Variants in FBXO4 observed in about 807,000 individuals in gnomAD.
The protein encoded by FBXO4 is F-box only protein 4.
A neutral mutation model predicts 43.7 loss-of-function variants in FBXO4; 36 were observed. That is an observed-to-expected ratio of 0.82 (90% CI 0.63 to 1.09). The LOEUF (loss-of-function observed/expected upper bound fraction) is 1.09. FBXO4 is among the 50% of genes least tolerant of loss of function. FBXO4 has a pLI of 0.00. For synonymous variants in FBXO4, 180 were observed against 165.6 expected (o/e 1.09, Z -0.67); for missense variants, 435 against 474.1 (o/e 0.92, Z 0.77).
chr5:41,998,992 T>C, the FBXO4 span, among the ~76,000 whole-genome samples: 1 of 151,234 alleles, frequency 6.6e-6, no homozygotes, highest in African/African-American at 2.4e-5. Context: ...GCCAACCAGC[T>C]TCATTACGTT....
rs1220517754 is a variant in FBXO4 at position 41,925,421 on chromosome 5, G to T, written c.112G>T (p.Val38Leu). 1.4e-6 allele frequency: 2 copies of T among 1,383,332 alleles called. No homozygotes were observed. The highest frequency in any genetic ancestry group is 6.1e-5 in the East Asian group (2 of 32,560). 85.7% of individuals were successfully genotyped at this position (1,383,332 alleles called of 1,614,324 possible). ...LSGWKTFWQS[V>L]SKERVARTTS... is the part of the protein sequence containing the mutation. Reference sequence around the variant, plus strand: ...CGGCTGGAAGACCTTCTGGCAGTCAGTGAGCAAGGAGAGGGTGGCGCGTAC... The same window carrying T: ...CGGCTGGAAGACCTTCTGGCAGTCATTGAGCAAGGAGAGGGTGGCGCGTAC... The change falls in exon 1 of 7, where the codon GTG (valine) becomes TTG (leucine). Residue 38 changes from valine to leucine, a missense_variant. Val to Leu is a conservative substitution (Grantham distance 32, BLOSUM62 1). Coordinates refer to ENST00000281623, the MANE Select transcript of FBXO4 (RefSeq NM_012176.3).
the FBXO4 span, among the ~76,000 whole-genome samples, chr5:41,988,879 C>CA: frequency 7.2e-5 from 11 of 152,054 alleles, no homozygotes; most frequent in Admixed American, 7.2e-4. Flanking sequence ...TCCAAAAGAA[C>CA]AAAAAAGATA....
At chr5:42,009,893 A>C in the FBXO4 span, among the ~76,000 whole-genome samples, 1 of 152,172 alleles carries the variant, frequency 6.6e-6, no homozygotes, top group Non-Finnish European at 1.5e-5. Context: ...AATCTTCCCA[A>C]ACTAAAACTC....
At chr5:41,946,808 A>G in the FBXO4 span, among the ~76,000 whole-genome samples, 1 of 152,214 alleles carries the variant, frequency 6.6e-6, no homozygotes, top group Non-Finnish European at 1.5e-5. Flanking sequence ...AAGGTTCAAT[A>G]GAAGACCCCA....
the FBXO4 span, among the ~76,000 whole-genome samples, chr5:41,949,445 G>A: frequency 1.3e-5 from 2 of 152,122 alleles, no homozygotes; most frequent in Non-Finnish European, 2.9e-5. Context: ...GCCAAATCAT[G>A]AGTGAACTCC....
At chr5:41,956,773 C>A in the FBXO4 span, among the ~76,000 whole-genome samples, 20 of 145,812 alleles carry the variant, frequency 1.4e-4, no homozygotes, top group African/African-American at 3.8e-4. Context: ...AGTGCAGTGG[C>A]GAGATCTCAG....
At chr5:42,004,735 T>TA in the FBXO4 span, among the ~76,000 whole-genome samples, 49 of 151,838 alleles carry the variant, frequency 3.2e-4, no homozygotes, top group African/African-American at 1.1e-3. Context: ...GCTACAAGGA[T>TA]AAAAAAAACA....
chr5:41,958,894 T>C, the FBXO4 span, among the ~76,000 whole-genome samples: 21 of 152,248 alleles, frequency 1.4e-4, no homozygotes, highest in Non-Finnish European at 2.8e-4. Context: ...ACTGATTTCA[T>C]ATCCTTTGGA....
the FBXO4 span, among the ~76,000 whole-genome samples, chr5:41,996,582 C>A: frequency 6.6e-6 from 1 of 152,152 alleles, no homozygotes; most frequent in Non-Finnish European, 1.5e-5. Flanking sequence ...TATTGCAGAG[C>A]CTTCTCCTGT....
At chr5:42,039,063 G>T in the FBXO4 span, among the ~76,000 whole-genome samples, 1 of 152,078 alleles carries the variant, frequency 6.6e-6, no homozygotes, top group African/African-American at 2.4e-5. Context: ...TTATTCAAGA[G>T]AGAGTTTCAT....
chr5:41,938,671 G>A (rs1290727500), intron 5 of FBXO4, among the ~76,000 whole-genome samples: 1 of 152,150 alleles, frequency 6.6e-6, no homozygotes, highest in Non-Finnish European at 1.5e-5. Context: ...TGAAATTTGT[G>A]TATCATATGG....
At chr5:41,986,799 G>A in the FBXO4 span, among the ~76,000 whole-genome samples, 2 of 152,180 alleles carry the variant, frequency 1.3e-5, no homozygotes, top group East Asian at 1.9e-4. Context: ...GTGAATCCTC[G>A]AAAAACTTCT....
the FBXO4 span, among the ~76,000 whole-genome samples, chr5:41,963,635 C>A: frequency 7.2e-5 from 11 of 152,062 alleles, no homozygotes; most frequent in Admixed American, 3.3e-4. Flanking sequence ...AAGAAAATCA[C>A]AAGAAAGGGA....
At chr5:42,018,720 A>G in the FBXO4 span, among the ~76,000 whole-genome samples, 3 of 152,158 alleles carry the variant, frequency 2.0e-5, no homozygotes. Context: ...TTCCCCCAAA[A>G]GCATTGAGTT....
the FBXO4 span, among the ~76,000 whole-genome samples, chr5:42,014,678 C>T: frequency 6.6e-6 from 1 of 152,078 alleles, no homozygotes; most frequent in Non-Finnish European, 1.5e-5. Context: ...TTAGAGAGCA[C>T]ACAATACAAG....
chr5:41,971,502 CTAA>C, the FBXO4 span, among the ~76,000 whole-genome samples: 3 of 151,684 alleles, frequency 2.0e-5, no homozygotes, highest in Non-Finnish European at 4.4e-5. Context: ...TATTTTTGGC[CTAA>C]TAATAATTCT....
chr5:41,986,591 A>C, the FBXO4 span, among the ~76,000 whole-genome samples: 2 of 152,158 alleles, frequency 1.3e-5, no homozygotes, highest in Non-Finnish European at 2.9e-5. Context: ...CTAAACACAG[A>C]GGGCACTTCA....
chr5:42,018,144 T>G, the FBXO4 span, among the ~76,000 whole-genome samples: 2 of 148,858 alleles, frequency 1.3e-5, no homozygotes, highest in African/African-American at 4.9e-5. Context: ...TAACAAACTA[T>G]ATATATAAAA....
At chr5:41,948,744 A>T in the FBXO4 span, among the ~76,000 whole-genome samples, 10 of 152,072 alleles carry the variant, frequency 6.6e-5, no homozygotes, top group African/African-American at 1.9e-4. Flanking sequence ...AGTAGATACA[A>T]TTTTTTTCTG....
Sources: gnomAD v4.1 joint callset for allele counts (sites outside exome capture counted in the v4.1 genomes callset) on GRCh38, gnomAD v4.1.1 for gene constraint, MANE v1.5 for transcripts, NCBI Gene and HGNC (gene_info 2026-07-23, HGNC 2026-07-21) for gene names.